The following ADAM20 variants were observed in gnomAD, a reference collection of about 807,000 sequenced individuals.
ADAM20 encodes the protein ADAM metallopeptidase domain 20, also known as disintegrin and metalloproteinase domain-containing protein 20.
For missense variants in ADAM20, 871 were observed against 883.2 expected, an observed-to-expected ratio of 0.99 and a Z score of 0.18; for synonymous variants, 305 against 310.2, an observed-to-expected ratio of 0.98 and a Z score of 0.18.
Position 70,522,471 on chromosome 14 carries a change from T to A in ADAM20, c.*106A>T, listed in dbSNP as rs1485492912. On this transcript the variant is annotated 3_prime_UTR_variant, in exon 2 of 2. Coordinates refer to ENST00000256389, the MANE Select transcript of ADAM20 (RefSeq NM_003814.5). ...TTGCAATCCTGACATGAAATGTCCATGAAGTTTTATTTAAACAGTGAGACA... is the reference window on the plus strand; with the variant it reads ...TTGCAATCCTGACATGAAATGTCCAAGAAGTTTTATTTAAACAGTGAGACA... The A allele has an allele frequency of 9.6e-6, 11 of 1,151,790 alleles. No individual in the cohort carries two copies. The highest frequency in any genetic ancestry group is 1.7e-5 in the South Asian group (1 of 59,320). 71.3% of individuals were successfully genotyped at this position (1,151,790 alleles called of 1,614,324 possible). A position where few individuals can be genotyped will look rare whatever the true frequency, so the allele number is the denominator to read the frequency against.
At chr14:70,546,467 G>C in the ADAM20 span, among the ~76,000 whole-genome samples, 1 of 152,182 alleles carries the variant, frequency 6.6e-6, no homozygotes. Flanking sequence ...TCAAAGCAAA[G>C]AGGGGACTTC....
At chr14:70,540,564 C>T in the ADAM20 span, among the ~76,000 whole-genome samples, 2 of 152,130 alleles carry the variant, frequency 1.3e-5, no homozygotes, top group African/African-American at 4.8e-5. Context: ...GTCATAGAGG[C>T]TACAAGACTA....
At chr14:70,537,400 C>T (rs147413873), upstream of ADAM20, among the ~76,000 whole-genome samples, 4 of 152,288 alleles carry the variant, frequency 2.6e-5, no homozygotes, top group East Asian at 7.7e-4. Flanking sequence ...GTCCAAGAGG[C>T]CCTTTGCTGA....
the ADAM20 span, among the ~76,000 whole-genome samples, chr14:70,563,968 CCA>C: frequency 2.0e-5 from 3 of 152,220 alleles, no homozygotes; most frequent in Non-Finnish European, 4.4e-5. Flanking sequence ...AGTCCCTCCC[CCA>C]AACTGGCTTA....
At chr14:70,543,012 T>A in the ADAM20 span, among the ~76,000 whole-genome samples, 1 of 152,030 alleles carries the variant, frequency 6.6e-6, no homozygotes, top group Non-Finnish European at 1.5e-5. Context: ...AAACCAAGTA[T>A]AATAAAGCAA....
chr14:70,555,965 G>A, the ADAM20 span, among the ~76,000 whole-genome samples: 1 of 152,158 alleles, frequency 6.6e-6, no homozygotes, highest in African/African-American at 2.4e-5. Flanking sequence ...CCACTCCCCG[G>A]ATGCGGTGGC....
chr14:70,524,422 A>G lies in ADAM20; in HGVS notation c.336T>C (p.His112=), dbSNP rs560795989. The G allele has an allele frequency of 7.1e-5, 115 of 1,614,000 alleles. 1 individual carries two copies. The South Asian group carries it at 1.2e-3, about 17-fold the overall frequency. Residue 112 remains histidine, a synonymous_variant, in exon 2 of 2, where the codon CAT becomes CAC. Coordinates refer to ENST00000256389, the MANE Select transcript of ADAM20 (RefSeq NM_003814.5). ...ACTCAGGGACCCCCTCCACATAACC[A>G]TGGTAGTAGCAGTCATCCTGGATGA... ...QPFIQDDCYY[H]GYVEGVPESL...
intron 1 of ADAM20, among the ~76,000 whole-genome samples, chr14:70,526,094 T>C (rs1883584953): frequency 6.6e-6 from 1 of 152,192 alleles, no homozygotes; most frequent in Admixed American, 6.5e-5. Context: ...ACAATTTGAG[T>C]AGACTTAAAA....
chr14:70,540,306 G>A, the ADAM20 span, among the ~76,000 whole-genome samples: 2 of 152,130 alleles, frequency 1.3e-5, no homozygotes, highest in African/African-American at 2.4e-5. Context: ...TGTGTTATGT[G>A]TGCAATGTCT....
intron 1 of ADAM20, among the ~76,000 whole-genome samples, chr14:70,529,350 T>C (rs191565581): frequency 1.1e-4 from 17 of 152,318 alleles, no homozygotes; most frequent in Admixed American, 5.9e-4. Context: ...CACAATAGAA[T>C]GAGACTAGCT....
chr14:70,562,369 C>G, the ADAM20 span, among the ~76,000 whole-genome samples: 1 of 152,168 alleles, frequency 6.6e-6, no homozygotes, highest in Non-Finnish European at 1.5e-5. Context: ...ATTTTACAGG[C>G]TCATAAATGG....
the ADAM20 span, among the ~76,000 whole-genome samples, chr14:70,565,092 A>G: frequency 6.6e-6 from 1 of 151,332 alleles, no homozygotes; most frequent in Admixed American, 6.6e-5. Context: ...TTAAATTTTT[A>G]AAATACTAGA....
chr14:70,565,618 C>T, the ADAM20 span, among the ~76,000 whole-genome samples: 2 of 152,112 alleles, frequency 1.3e-5, no homozygotes, highest in African/African-American at 4.8e-5. Flanking sequence ...ATACAGTCAG[C>T]CCTTCATATC....
At chr14:70,575,868 A>T in the ADAM20 span, among the ~76,000 whole-genome samples, 1 of 152,224 alleles carries the variant, frequency 6.6e-6, no homozygotes, top group African/African-American at 2.4e-5. Flanking sequence ...AGCCTTAAAA[A>T]GGAGACAAAA....
At chr14:70,525,100 G>A (rs554115962) in intron 1 of ADAM20, among the ~76,000 whole-genome samples, 167 bp from the exon 2 acceptor site, 1 of 152,272 alleles carries the variant, frequency 6.6e-6, no homozygotes, top group South Asian at 2.1e-4. Flanking sequence ...TTGCACATAG[G>A]TGAGTTATTA....
chr14:70,524,893 G>C lies in ADAM20; in HGVS notation c.-136C>G, dbSNP rs776925963. The C allele has an allele frequency of 6.2e-7, 1 of 1,610,330 alleles. No homozygotes were observed. Among genetic ancestry groups the C allele is most frequent in the South Asian group, 1.1e-5 (1 of 90,686 alleles). ...TAGGGATCTGGGGATCTGTGTCCTG[G>C]TGGAGCTGGACCATCAGAGCTGCAG... On this transcript the variant is annotated 5_prime_UTR_variant, in exon 2 of 2. Transcript: ENST00000256389.
chr14:70,523,286 A>C lies in ADAM20; in HGVS notation c.1472T>G (p.Val491Gly). 1 of 1,614,062 alleles carries C rather than the reference A, an allele frequency of 6.2e-7. No individual in the cohort carries two copies. Among genetic ancestry groups the C allele is most frequent in the Non-Finnish European group, 8.5e-7 (1 of 1,179,954 alleles). ...TSHQCPDDVYVQDGISCNVNA... is the reference protein window; with the variant it reads ...TSHQCPDDVYGQDGISCNVNA... ...CACATTACAGGAGATCCCGTCCTGC[A>C]CATACACATCATCTGGGCATTGATG... Residue 491 changes from valine to glycine, a missense_variant, in exon 2 of 2, where the codon GTG becomes GGG. Physicochemically the swap from Val to Gly is moderately radical, Grantham distance 109. Transcript: ENST00000256389.
upstream of ADAM20, among the ~76,000 whole-genome samples, chr14:70,536,097 G>T (rs973477638): frequency 1.2e-4 from 18 of 152,272 alleles, no homozygotes; most frequent in African/African-American, 4.3e-4. Flanking sequence ...CAGTTATGAA[G>T]TTCAAATGTG....
chr14:70,522,806 T>C lies in ADAM20; in HGVS notation c.1952A>G (p.His651Arg), dbSNP rs1883481904. ...NMRGICNNKQ[H>R]CHCNHEWAPP... The stretch of plus-strand genomic sequence containing the variant: ...TGCCCATTCATGGTTGCAGTGACAG[T>C]GTTGTTTGTTGTTGCAGATTCCCCT... The change falls in exon 2 of 2, where the codon CAC becomes CGC. Residue 651 changes from histidine (H) to arginine (R), a missense_variant. By Grantham distance (29) the His-to-Arg change is conservative (BLOSUM62 0). Coordinates refer to ENST00000256389, the MANE Select transcript of ADAM20 (RefSeq NM_003814.5). The C allele has an allele frequency of 1.9e-6, 3 of 1,613,958 alleles. No individual in the cohort carries two copies. The highest frequency in any genetic ancestry group is 2.5e-6 in the Non-Finnish European group (3 of 1,179,910).
Sources: gnomAD v4.1 joint callset for allele counts (sites outside exome capture counted in the v4.1 genomes callset) on GRCh38, gnomAD v4.1.1 for gene constraint, MANE v1.5 for transcripts, NCBI Gene and HGNC (gene_info 2026-07-23, HGNC 2026-07-21) for gene names.